The following EXOC6B variants were observed in gnomAD, a reference collection of about 807,000 sequenced individuals.
The protein encoded by EXOC6B is SEC15 homolog B.
In EXOC6B, 54 loss-of-function variants were observed where a neutral mutation model predicts 113.5. The ratio of observed to expected loss-of-function variants is 0.48; its 90% confidence interval spans 0.38 to 0.60. The LOEUF is 0.60. Ranked by LOEUF, EXOC6B falls within the 20% of genes least tolerant of loss-of-function variation. EXOC6B has a pLI of 0.00. For missense variants in EXOC6B, 797 were observed against 977.5 expected (o/e 0.82, Z 2.46); for synonymous variants, 357 against 339.0 (o/e 1.05, Z -0.58).
chr2:72,456,070 T>C (rs1046367202), intron 18 of EXOC6B, among the ~76,000 whole-genome samples: 4 of 152,142 alleles, frequency 2.6e-5, no homozygotes, highest in Admixed American at 2.0e-4. Flanking sequence ...AAATAGTGAC[T>C]GTCCGTATAT....
chr2:72,816,371 C>A (rs1235369989), intron 1 of EXOC6B, among the ~76,000 whole-genome samples: 1 of 151,898 alleles, frequency 6.6e-6, no homozygotes, highest in Non-Finnish European at 1.5e-5. Context: ...CTGATATGGA[C>A]AAATCTCAAA....
intron 2 of EXOC6B, among the ~76,000 whole-genome samples, chr2:72,735,691 C>T (rs1680903251): frequency 6.6e-6 from 1 of 151,672 alleles, no homozygotes; most frequent in Admixed American, 6.6e-5. Context: ...TGGTGCATGC[C>T]TAGAATCCCA....
chr2:72,410,540 A>G (rs1186570568), intron 18 of EXOC6B, among the ~76,000 whole-genome samples: 1 of 152,242 alleles, frequency 6.6e-6, no homozygotes, highest in Non-Finnish European at 1.5e-5. Context: ...AAGTCAAATC[A>G]GCTTACCAAA....
chr2:72,289,973 T>C (rs1305943661), intron 20 of EXOC6B, among the ~76,000 whole-genome samples: 1 of 152,208 alleles, frequency 6.6e-6, no homozygotes, highest in Non-Finnish European at 1.5e-5. Context: ...GGTTGACTTT[T>C]CTGTGAGAAA....
intron 5 of EXOC6B, among the ~76,000 whole-genome samples, chr2:72,729,412 A>AT (rs547305397): frequency 0.11 from 14,635 of 133,274 alleles, 1,688 homozygotes; most frequent in African/African-American, 0.28. Flanking sequence ...TACACAGGTG[A>AT]TTTTTTTTTT....
intron 6 of EXOC6B, among the ~76,000 whole-genome samples, chr2:72,639,685 C>G (rs1471925475): frequency 1.3e-5 from 2 of 152,096 alleles, no homozygotes. Context: ...CTTGAGAAGC[C>G]AGAGAAAAAA....
chr2:72,745,491 T>C (rs184463566), intron 1 of EXOC6B, among the ~76,000 whole-genome samples: 2 of 152,150 alleles, frequency 1.3e-5, no homozygotes, highest in East Asian at 3.9e-4. Flanking sequence ...AACACCCATA[T>C]TTAAAACAGG....
At chr2:72,450,394 G>C (rs1184706775) in intron 18 of EXOC6B, among the ~76,000 whole-genome samples, 6 of 152,238 alleles carry the variant, frequency 3.9e-5, no homozygotes, top group Non-Finnish European at 7.4e-5. Context: ...GAAAGACAGA[G>C]GTCACATGAC....
chr2:72,490,669 A>G (rs534732331), intron 16 of EXOC6B, among the ~76,000 whole-genome samples: 4 of 152,268 alleles, frequency 2.6e-5, no homozygotes, highest in East Asian at 1.9e-4. Context: ...AAAACACCCA[A>G]TGACTAAGGA....
At chr2:72,524,239 TG>T (rs1251848095) in intron 8 of EXOC6B, among the ~76,000 whole-genome samples, 1 of 151,804 alleles carries the variant, frequency 6.6e-6, no homozygotes, top group Admixed American at 6.6e-5. Context: ...CCCATAATGA[TG>T]TTCAGCGGGA....
At chr2:72,483,840 T>C (rs1293070278) in intron 16 of EXOC6B, among the ~76,000 whole-genome samples, 1 of 152,208 alleles carries the variant, frequency 6.6e-6, no homozygotes. Context: ...CTTGATGATA[T>C]TTTTAACGAC....
At chr2:72,446,526 AAACC>A (rs1463079375) in intron 18 of EXOC6B, among the ~76,000 whole-genome samples, 1 of 152,198 alleles carries the variant, frequency 6.6e-6, no homozygotes, top group Non-Finnish European at 1.5e-5. Context: ...CAGGAACAGA[AAACC>A]AAACACCCAT....
chr2:72,782,391 A>G (rs1190914035), intron 1 of EXOC6B, among the ~76,000 whole-genome samples: 6 of 152,226 alleles, frequency 3.9e-5, no homozygotes, highest in Admixed American at 3.3e-4. Flanking sequence ...ATTTTTTAAA[A>G]TTATTTTATT....
At chr2:72,665,759 C>A (rs1420916231) in intron 6 of EXOC6B, among the ~76,000 whole-genome samples, 1 of 152,124 alleles carries the variant, frequency 6.6e-6, no homozygotes, top group East Asian at 1.9e-4. Flanking sequence ...AAATACGTAG[C>A]CCACAGACTC....
At chr2:72,421,877 C>A (rs999591109) in intron 18 of EXOC6B, among the ~76,000 whole-genome samples, 1 of 152,218 alleles carries the variant, frequency 6.6e-6, no homozygotes, top group Non-Finnish European at 1.5e-5. Context: ...TGCGGGCCAG[C>A]TGGAGTTCCG....
chr2:72,573,138 G>T lies in EXOC6B; in HGVS notation c.846+2354C>A, dbSNP rs190040965. 1.2e-3 allele frequency among the ~76,000 whole-genome samples: 177 copies of T among 152,200 alleles called. 1 individual carries two copies. The highest frequency in any genetic ancestry group is 2.0e-3 in the Non-Finnish European group (135 of 68,004). On this transcript the variant is annotated intron_variant, in intron 7 of 21. Coordinates refer to ENST00000272427, the MANE Select transcript of EXOC6B (RefSeq NM_015189.3). ...AGGAACTTACCCAGGATCTTCAATA[G>T]GTCAATGATAAAGAATGGTTTCCTT... is the stretch of plus-strand genomic sequence containing the variant.
chr2:72,502,462 T>C (rs1279632154), intron 11 of EXOC6B, among the ~76,000 whole-genome samples: 1 of 152,112 alleles, frequency 6.6e-6, no homozygotes, highest in Admixed American at 6.6e-5. Context: ...GCACGAGAAT[T>C]GCTTGAACCC....
At chr2:72,709,634 G>T (rs987993621) in intron 6 of EXOC6B, among the ~76,000 whole-genome samples, 2 of 152,078 alleles carry the variant, frequency 1.3e-5, no homozygotes, top group Non-Finnish European at 2.9e-5. Flanking sequence ...GAAATTATTT[G>T]AAGAGACTAT....
rs185271633 is a variant in EXOC6B at position 72,219,125 on chromosome 2, G to C, written c.2197-34938C>G. The stretch of plus-strand genomic sequence containing the variant: ...CCATAGTGATAATACTGAAATAAAG[G>C]ATTGGTCTGGGATTCCTAAGACCAG... On this transcript the variant is annotated intron_variant, in intron 20 of 21. Transcript: ENST00000272427. Among the ~76,000 whole-genome samples the C allele has an allele frequency of 2.6e-5, 4 of 152,288 alleles. No individual in the cohort carries two copies. The East Asian group carries it at 5.8e-4, about 22-fold the overall frequency.
Sources: gnomAD v4.1 joint callset for allele counts (sites outside exome capture counted in the v4.1 genomes callset) on GRCh38, gnomAD v4.1.1 for gene constraint, MANE v1.5 for transcripts, NCBI Gene and HGNC (gene_info 2026-07-23, HGNC 2026-07-21) for gene names.